The following ROBO1 variants were observed in gnomAD, a reference collection of about 807,000 sequenced individuals.
ROBO1 encodes roundabout homolog 1.
ROBO1 carries 149 observed loss-of-function variants against 195.9 expected under a neutral mutation model. The observed-to-expected ratio is 0.76, with a 90% CI of 0.67 to 0.87. The LOEUF (loss-of-function observed/expected upper bound fraction) is 0.87, where lower values mean the gene tolerates loss of function less well. ROBO1 is among the 40% of genes least tolerant of loss of function. ROBO1 has a pLI of 0.00. For synonymous variants in ROBO1, 816 were observed against 733.2 expected (o/e 1.11, Z -1.82); for missense variants, 1,933 against 2,068.3 (o/e 0.93, Z 1.27).
intron 2 of ROBO1, among the ~76,000 whole-genome samples, chr3:79,301,711 C>T (rs916079006): frequency 1.3e-4 from 19 of 151,942 alleles, no homozygotes; most frequent in African/African-American, 4.6e-4. Flanking sequence ...TACTCAAAAC[C>T]AACAATAAAA....
chr3:79,066,015 CT>C (rs2078997146), intron 3 of ROBO1, among the ~76,000 whole-genome samples: 1 of 151,894 alleles, frequency 6.6e-6, no homozygotes. Context: ...GTTTACAAGA[CT>C]TTAGACTTGC....
chr3:78,835,083 T>C (rs1372651013), intron 4 of ROBO1, among the ~76,000 whole-genome samples: 1 of 152,166 alleles, frequency 6.6e-6, no homozygotes, highest in African/African-American at 2.4e-5. Context: ...TGAATCAATG[T>C]CCATTCTATA....
intron 26 of ROBO1, among the ~76,000 whole-genome samples, chr3:78,624,055 T>C (rs568496366): frequency 6.6e-6 from 1 of 152,114 alleles, no homozygotes; most frequent in East Asian, 1.9e-4. Flanking sequence ...TATTAAGGAG[T>C]TGGTTAAATA....
At chr3:79,139,265 T>C (rs2080474482) in intron 2 of ROBO1, among the ~76,000 whole-genome samples, 1 of 152,106 alleles carries the variant, frequency 6.6e-6, no homozygotes, top group Non-Finnish European at 1.5e-5. Flanking sequence ...AGAATATAAA[T>C]GCCACGAAGA....
At chr3:78,968,500 A>G (rs1386701096) in intron 3 of ROBO1, among the ~76,000 whole-genome samples, 1 of 151,502 alleles carries the variant, frequency 6.6e-6, no homozygotes, top group Non-Finnish European at 1.5e-5. Context: ...CTGGTCTCGA[A>G]CTCCTGACCT....
intron 3 of ROBO1, among the ~76,000 whole-genome samples, chr3:79,108,192 C>T (rs1010806862): frequency 1.3e-5 from 2 of 151,596 alleles, no homozygotes; most frequent in Admixed American, 6.6e-5. Flanking sequence ...TTCCTTGATA[C>T]ATAGAAAGTA....
chr3:78,901,921 C>T (rs115830506), intron 4 of ROBO1, among the ~76,000 whole-genome samples: 3,122 of 152,258 alleles, frequency 0.021, 89 homozygotes, highest in African/African-American at 0.07. Flanking sequence ...TATAAGTATC[C>T]TATAAAGTTC....
chr3:79,444,098 T>A (rs1217939623), intron 2 of ROBO1, among the ~76,000 whole-genome samples: 2 of 152,158 alleles, frequency 1.3e-5, no homozygotes, highest in East Asian at 3.8e-4. Flanking sequence ...GGAAGGAGTT[T>A]TTTTAGAACA....
intron 3 of ROBO1, among the ~76,000 whole-genome samples, chr3:79,107,013 T>C (rs1407077848): frequency 6.6e-6 from 1 of 151,452 alleles, no homozygotes; most frequent in Non-Finnish European, 1.5e-5. Context: ...ATTTATAAGG[T>C]AAAATTGCAA....
intron 3 of ROBO1, among the ~76,000 whole-genome samples, chr3:78,988,116 T>C (rs2077154656): frequency 6.6e-6 from 1 of 152,152 alleles, no homozygotes; most frequent in African/African-American, 2.4e-5. Context: ...GGGAAAGAGC[T>C]GTGATCATGT....
chr3:79,645,072 G>A (rs1945778501), intron 1 of ROBO1, among the ~76,000 whole-genome samples: 1 of 151,960 alleles, frequency 6.6e-6, no homozygotes, highest in African/African-American at 2.4e-5. Flanking sequence ...GTACTAAGAG[G>A]GAGGTTTATA....
chr3:79,275,927 A>C (rs1029660722), intron 2 of ROBO1, among the ~76,000 whole-genome samples: 1 of 151,948 alleles, frequency 6.6e-6, no homozygotes, highest in South Asian at 2.1e-4. Context: ...CAGAGAAGTG[A>C]AAGTTTTCTA....
chr3:79,288,973 T>C (rs1218345692), intron 2 of ROBO1, among the ~76,000 whole-genome samples: 1 of 152,194 alleles, frequency 6.6e-6, no homozygotes, highest in East Asian at 1.9e-4. Flanking sequence ...CATTCAATGT[T>C]GTTGTAAGGA....
intron 2 of ROBO1, among the ~76,000 whole-genome samples, chr3:79,200,482 A>C (rs1472275085): frequency 2.0e-5 from 3 of 151,782 alleles, no homozygotes; most frequent in African/African-American, 7.3e-5. Flanking sequence ...TATAACATCA[A>C]TCTAGATGTA....
At chr3:79,633,778 A>C (rs534454710) in intron 1 of ROBO1, among the ~76,000 whole-genome samples, 1 of 152,206 alleles carries the variant, frequency 6.6e-6, no homozygotes, top group East Asian at 1.9e-4. Flanking sequence ...GTCAATTTTC[A>C]AAATTATTAT....
intron 3 of ROBO1, among the ~76,000 whole-genome samples, chr3:79,111,949 A>G (rs1384245769): frequency 2.0e-5 from 3 of 152,202 alleles, no homozygotes; most frequent in Admixed American, 6.6e-5. Flanking sequence ...TGGCTAGTCC[A>G]AAGCAAGATG....
intron 4 of ROBO1, among the ~76,000 whole-genome samples, chr3:78,846,880 T>C (rs1157842157): frequency 1.3e-5 from 2 of 152,130 alleles, no homozygotes; most frequent in Non-Finnish European, 2.9e-5. Context: ...GTTTGAGTTA[T>C]GGGAAGGCCA....
rs1441638899 is a variant in ROBO1 at position 79,085,851 on chromosome 3, T to A, written c.172+39605A>T. On this transcript the variant is annotated intron_variant, in intron 3 of 30. Transcript: ENST00000464233. The stretch of plus-strand genomic sequence containing the variant: ...GCCTCAGGACGTAACTTCATTACTA[T>A]AAATTTCAGCAAATTGATTAATTAA... 3.3e-5 allele frequency among the ~76,000 whole-genome samples: 5 copies of A among 152,212 alleles called. No homozygotes were observed. In the East Asian group the frequency reaches 9.6e-4, roughly 29 times the overall value.
At chr3:78,733,934 C>T (rs3773240) in intron 5 of ROBO1, among the ~76,000 whole-genome samples, 32,426 of 152,094 alleles carry the variant, frequency 0.21, 3,549 homozygotes, top group East Asian at 0.24. Context: ...GGGTGGCAAC[C>T]TAATCCAAAA....
Sources: allele counts gnomAD v4.1 joint callset (sites outside exome capture counted in the v4.1 genomes callset), GRCh38; gene constraint gnomAD v4.1.1; transcripts MANE v1.5; gene names NCBI Gene and HGNC (gene_info 2026-07-23, HGNC 2026-07-21).